RORB: variants seen among roughly 807,000 people sequenced by gnomAD.
RORB encodes the protein RAR related orphan receptor B, also known as nuclear receptor ROR-beta.
In RORB, 6 loss-of-function variants were observed where a neutral mutation model predicts 59.1. That is an observed-to-expected ratio of 0.10 (90% CI 0.06 to 0.20). The LOEUF is 0.20. Ranked by LOEUF, RORB falls within the 10% of genes least tolerant of loss-of-function variation. The pLI, the probability that RORB is intolerant of heterozygous loss-of-function variation, is 1.00. For missense variants in RORB, 320 were observed against 560.5 expected (o/e 0.57, Z 4.33); for synonymous variants, 215 against 204.5 (o/e 1.05, Z -0.44).
chr9:74,684,433 T>C (rs1824602489), intron 9 of RORB, among the ~76,000 whole-genome samples: 1 of 151,620 alleles, frequency 6.6e-6, no homozygotes, highest in Non-Finnish European at 1.5e-5. Flanking sequence ...TATAAGAGTG[T>C]TCCTCTATAC....
chr9:74,547,129 T>C (rs79443568), intron 1 of RORB, among the ~76,000 whole-genome samples: 1,763 of 152,216 alleles, frequency 0.012, 35 homozygotes, highest in African/African-American at 0.039. Flanking sequence ...TGGTTTTTTT[T>C]GTTATCAGAG....
chr9:74,545,424 A>T (rs1826472954), intron 1 of RORB, among the ~76,000 whole-genome samples: 1 of 152,240 alleles, frequency 6.6e-6, no homozygotes, highest in African/African-American at 2.4e-5. Context: ...CAAGTCATTT[A>T]TAGTAAATAT....
intron 1 of RORB, among the ~76,000 whole-genome samples, chr9:74,550,049 C>T (rs1050663928): frequency 2.0e-5 from 3 of 152,040 alleles, no homozygotes; most frequent in Middle Eastern, 3.2e-3. Context: ...TTCTAATTCC[C>T]TTTCTTCTGG....
rs747338345 is a variant in RORB at position 74,667,905 on chromosome 9, G to T, written c.1111+4G>T. The T allele has an allele frequency of 1.3e-6, 2 of 1,564,792 alleles. No individual in the cohort carries two copies. Among genetic ancestry groups the T allele is most frequent in the Non-Finnish European group, 8.8e-7 (1 of 1,135,092 alleles). On this transcript the variant is annotated splice_donor_region_variant and intron_variant, in intron 8 of 9. Coordinates refer to ENST00000376896, the MANE Select transcript of RORB (RefSeq NM_006914.4). ...TCTGCTGTTCTGATATCTCCAGGTA[G>T]GGCAGTCTCAGTTCTCTTACCTTTT...
chr9:74,574,105 G>A (rs1822594221), intron 1 of RORB, among the ~76,000 whole-genome samples: 1 of 152,070 alleles, frequency 6.6e-6, no homozygotes. Flanking sequence ...AGCTTTTATT[G>A]ACGGCCTCCT....
At position 74,532,825 on chromosome 9, in the gene RORB, TG is replaced by T. The variant is rs904912977; in HGVS notation, c.7+34843del. ...ATACGTATATATATACACATATATA[TG>T]TGTATATATATACACATATATATAC... is the stretch of plus-strand genomic sequence containing the variant. On this transcript the variant is annotated intron_variant, in intron 1 of 9. Coordinates refer to ENST00000376896, the MANE Select transcript of RORB (RefSeq NM_006914.4). 4.9e-5 allele frequency among the ~76,000 whole-genome samples: 7 copies of T among 143,254 alleles called. No individual in the cohort carries two copies. The South Asian group carries it at 1.5e-3, about 30-fold the overall frequency. 94.0% of individuals were successfully genotyped at this position (143,254 alleles called of 152,430 possible).
chr9:74,604,558 C>T (rs1339253853), intron 1 of RORB, among the ~76,000 whole-genome samples: 1 of 152,066 alleles, frequency 6.6e-6, no homozygotes, highest in Non-Finnish European at 1.5e-5. Context: ...ATTCTTTAGC[C>T]GTTGGGATAC....
chr9:74,679,956 A>AAT (rs1391054582), intron 9 of RORB, among the ~76,000 whole-genome samples: 2 of 152,022 alleles, frequency 1.3e-5, no homozygotes, highest in Non-Finnish European at 2.9e-5. Context: ...CAAAAAAATT[A>AAT]ACTTGGCATG....
chr9:74,548,560 G>A (rs1787071055), intron 1 of RORB, among the ~76,000 whole-genome samples: 1 of 152,108 alleles, frequency 6.6e-6, no homozygotes, highest in Non-Finnish European at 1.5e-5. Flanking sequence ...AGAATAAGTG[G>A]ATTTACAGCA....
chr9:74,599,784 C>T (rs1207613021), intron 1 of RORB, among the ~76,000 whole-genome samples: 2 of 152,134 alleles, frequency 1.3e-5, no homozygotes, highest in Non-Finnish European at 2.9e-5. Flanking sequence ...TTTTACTTGC[C>T]CCATACCTGG....
At chr9:74,667,443 C>G (rs771450967) in intron 7 of RORB, among the ~76,000 whole-genome samples, 1 of 152,124 alleles carries the variant, frequency 6.6e-6, no homozygotes, top group Non-Finnish European at 1.5e-5. Flanking sequence ...TGTAAAGGAT[C>G]CCCAAATCAC....
At chr9:74,560,240 C>A (rs1232399397) in intron 1 of RORB, among the ~76,000 whole-genome samples, 1 of 152,150 alleles carries the variant, frequency 6.6e-6, no homozygotes, top group African/African-American at 2.4e-5. Context: ...CTACAGAGTT[C>A]ATGTTGCAAG....
intron 1 of RORB, among the ~76,000 whole-genome samples, chr9:74,518,811 T>G (rs1280235269): frequency 6.6e-6 from 1 of 152,010 alleles, no homozygotes; most frequent in Non-Finnish European, 1.5e-5. Flanking sequence ...TAGAACCATG[T>G]AATTCCAAAA....
chr9:74,586,599 C>CTGTGTGTGTG (rs1563944987), intron 1 of RORB, among the ~76,000 whole-genome samples: 1 of 34,022 alleles, frequency 2.9e-5, no homozygotes, highest in Non-Finnish European at 6.6e-5. Context: ...TATGTAATGT[C>CTGTGTGTGTG]CGTGTGTGTG....
At chr9:74,586,159 T>C (rs1563944845) in intron 1 of RORB, among the ~76,000 whole-genome samples, 1 of 152,120 alleles carries the variant, frequency 6.6e-6, no homozygotes, top group Non-Finnish European at 1.5e-5. Flanking sequence ...GACCTACAGA[T>C]GTTAATGGCA....
chr9:74,535,004 T>C (rs1487205108), intron 1 of RORB, among the ~76,000 whole-genome samples: 1 of 151,994 alleles, frequency 6.6e-6, no homozygotes, highest in Non-Finnish European at 1.5e-5. Flanking sequence ...CCTCTCCATA[T>C]AGATCAGCGG....
At chr9:74,539,081 G>A (rs1826365540) in intron 1 of RORB, among the ~76,000 whole-genome samples, 1 of 152,076 alleles carries the variant, frequency 6.6e-6, no homozygotes, top group Non-Finnish European at 1.5e-5. Context: ...TATTTAAAAA[G>A]CTGAACTCAA....
At chr9:74,512,381 T>C (rs1825951208) in intron 1 of RORB, among the ~76,000 whole-genome samples, 1 of 152,220 alleles carries the variant, frequency 6.6e-6, no homozygotes, top group African/African-American at 2.4e-5. Context: ...ATGAAGAATC[T>C]CAATTTGCTC....
chr9:74,506,967 A>G (rs1227058022), intron 1 of RORB, among the ~76,000 whole-genome samples: 2 of 152,062 alleles, frequency 1.3e-5, no homozygotes, highest in Non-Finnish European at 2.9e-5. Context: ...TCATTTCTTG[A>G]GGTTTTTCCA....
Sources: gnomAD v4.1 joint callset for allele counts (sites outside exome capture counted in the v4.1 genomes callset) on GRCh38, gnomAD v4.1.1 for gene constraint, MANE v1.5 for transcripts, NCBI Gene and HGNC (gene_info 2026-07-23, HGNC 2026-07-21) for gene names.